PRTFDC1: variants seen among roughly 807,000 people sequenced by gnomAD.
The protein encoded by PRTFDC1 is phosphoribosyl transferase domain containing 1.
Under a neutral mutation model 34.6 loss-of-function variants are expected in PRTFDC1, and 38 were observed. That is an observed-to-expected ratio of 1.10 (90% confidence interval 0.85 to 1.44). The LOEUF is 1.44. PRTFDC1 is among the 40% of genes most tolerant of loss of function. The probability of loss-of-function intolerance (pLI) is 0.00; values close to 1 mark genes in which losing one functional copy is unlikely to be tolerated. For synonymous variants in PRTFDC1, 93 were observed against 98.1 expected, an observed-to-expected ratio of 0.95 and a Z score of 0.31; for missense variants, 270 against 283.0, an observed-to-expected ratio of 0.95 and a Z score of 0.33.
chr10:24,923,502 C>T lies in PRTFDC1; in HGVS notation c.339+13682G>A, dbSNP rs1848822815. Among the ~76,000 whole-genome samples, 3 of 152,280 alleles carry T rather than the reference C, an allele frequency of 2.0e-5. No individual in the cohort carries two copies. The South Asian group carries it at 6.2e-4, about 32-fold the overall frequency. Reference sequence around the variant, plus strand: ...GTTCTGCAGCCTCCGCTGGTGATACCCAGGTAAACGGGGTCTGGAGTGGAC... The same window carrying T: ...GTTCTGCAGCCTCCGCTGGTGATACTCAGGTAAACGGGGTCTGGAGTGGAC... On this transcript the variant is annotated intron_variant, in intron 3 of 8. Coordinates refer to ENST00000320152, the MANE Select transcript of PRTFDC1 (RefSeq NM_020200.7).
chr10:24,898,463 CA>C (rs36004025), intron 3 of PRTFDC1, among the ~76,000 whole-genome samples: 89 of 98,098 alleles, frequency 9.1e-4, no homozygotes, highest in Admixed American at 1.3e-3. Flanking sequence ...GACCCTGTCT[CA>C]AAAAAAAAAA....
intron 1 of PRTFDC1, among the ~76,000 whole-genome samples, chr10:24,946,539 G>T (rs1849253773): frequency 6.6e-6 from 1 of 152,124 alleles, no homozygotes; most frequent in South Asian, 2.1e-4. Context: ...TTAAGAGCAT[G>T]GACATGGAAA....
At chr10:24,858,556 T>C (rs1847621283) in intron 4 of PRTFDC1, 147 bp from the exon 5 acceptor site, 4 of 751,910 alleles carry the variant, frequency 5.3e-6, no homozygotes, top group Admixed American at 5.5e-5. Flanking sequence ...AGAGGTGATC[T>C]AGGTTTTCCA....
At chr10:24,918,091 G>A (rs1848724698) in intron 3 of PRTFDC1, among the ~76,000 whole-genome samples, 1 of 152,164 alleles carries the variant, frequency 6.6e-6, no homozygotes. Context: ...CAATGGAAGT[G>A]GGGTGGAGGA....
At chr10:24,865,733 C>T (rs1334199030) in intron 4 of PRTFDC1, among the ~76,000 whole-genome samples, 1 of 152,172 alleles carries the variant, frequency 6.6e-6, no homozygotes, top group Non-Finnish European at 1.5e-5. Flanking sequence ...TTTTAGAGCA[C>T]ACAGTGATTT....
In PRTFDC1 at chr10:24,852,308, A is replaced by C. The variant is rs187834306; in HGVS notation, c.554-844T>G. 9.8e-4 allele frequency among the ~76,000 whole-genome samples: 149 copies of C among 152,118 alleles called. 1 individual carries two copies. The highest frequency in any genetic ancestry group is 1.3e-3 in the Non-Finnish European group (86 of 67,996). ...GCTGGGAAGACAGACGTGTGCCACC[A>C]TGCCAGGCTAATTTTTGTAGTTTTA... On this transcript the variant is annotated intron_variant, in intron 7 of 8. Coordinates refer to ENST00000320152, the MANE Select transcript of PRTFDC1 (RefSeq NM_020200.7).
intron 3 of PRTFDC1, chr10:24,908,252 T>C: frequency 2.2e-6 from 1 of 449,032 alleles, no homozygotes; most frequent in Non-Finnish European, 3.9e-6. Flanking sequence ...GAATTGAACA[T>C]GTCATGCCCT....
intron 3 of PRTFDC1, among the ~76,000 whole-genome samples, chr10:24,880,283 T>A (rs1308498480): frequency 6.6e-6 from 1 of 151,692 alleles, no homozygotes; most frequent in Non-Finnish European, 1.5e-5. Context: ...GACAGAGTCT[T>A]GCACTATTGC....
At chr10:24,913,908 C>T (rs937552570) in intron 3 of PRTFDC1, among the ~76,000 whole-genome samples, 1 of 152,136 alleles carries the variant, frequency 6.6e-6, no homozygotes, top group Non-Finnish European at 1.5e-5. Flanking sequence ...TTTTTAAATT[C>T]AGGGACTGAT....
intron 3 of PRTFDC1, among the ~76,000 whole-genome samples, chr10:24,910,655 GC>G (rs1479293307): frequency 6.6e-6 from 1 of 152,026 alleles, no homozygotes; most frequent in African/African-American, 2.4e-5. Context: ...ACAAAATAAT[GC>G]AAGCCCACTT....
chr10:24,915,183 G>A (rs1848677810), intron 3 of PRTFDC1, among the ~76,000 whole-genome samples: 1 of 152,080 alleles, frequency 6.6e-6, no homozygotes, highest in Non-Finnish European at 1.5e-5. Context: ...CAGTAACTTG[G>A]TATCAAAAAT....
intron 3 of PRTFDC1, among the ~76,000 whole-genome samples, chr10:24,910,186 A>T (rs1404533194): frequency 6.6e-6 from 1 of 152,106 alleles, no homozygotes; most frequent in Non-Finnish European, 1.5e-5. Flanking sequence ...AATTTTTCCA[A>T]TAACCTGAAC....
intron 3 of PRTFDC1, among the ~76,000 whole-genome samples, chr10:24,883,109 A>G (rs1848107632): frequency 1.3e-5 from 2 of 148,314 alleles, no homozygotes; most frequent in Non-Finnish European, 3.0e-5. Flanking sequence ...ATATAAATGT[A>G]TTATAATTAT....
At chr10:24,895,506 C>T (rs1346666599) in intron 3 of PRTFDC1, among the ~76,000 whole-genome samples, 5 of 150,842 alleles carry the variant, frequency 3.3e-5, no homozygotes, top group African/African-American at 4.9e-5. Context: ...CTGCCTTGGC[C>T]TCCCAAAGTG....
At position 24,937,406 on chromosome 10, in the gene PRTFDC1, T is replaced by C. The variant is rs756268129; in HGVS notation, c.156-39A>G. 1.9e-5 allele frequency: 29 copies of C among 1,539,752 alleles called. No individual in the cohort carries two copies. In the Admixed American group the frequency reaches 4.2e-4, roughly 22 times the overall value. On this transcript the variant is annotated intron_variant, in intron 2 of 8. Coordinates refer to ENST00000320152, the MANE Select transcript of PRTFDC1 (RefSeq NM_020200.7). Reference sequence around the variant, plus strand: ...AAAAGATATATTAAGGCACAACTACTTCTGAGTATTTATGTTGCTTTAATG... The same window carrying C: ...AAAAGATATATTAAGGCACAACTACCTCTGAGTATTTATGTTGCTTTAATG...
intron 3 of PRTFDC1, among the ~76,000 whole-genome samples, chr10:24,889,060 C>T (rs901102903): frequency 1.3e-5 from 2 of 152,050 alleles, no homozygotes; most frequent in African/African-American, 4.8e-5. Flanking sequence ...ATGTTGAAAT[C>T]GAATCACCAT....
chr10:24,897,000 A>C (rs1022405532), intron 3 of PRTFDC1, among the ~76,000 whole-genome samples: 4 of 152,210 alleles, frequency 2.6e-5, no homozygotes, highest in Non-Finnish European at 4.4e-5. Flanking sequence ...GCTTAAGTCC[A>C]GGAGTTCAAG....
At chr10:24,927,251 G>C (rs966432167) in intron 3 of PRTFDC1, among the ~76,000 whole-genome samples, 2 of 152,168 alleles carry the variant, frequency 1.3e-5, no homozygotes, top group Non-Finnish European at 2.9e-5. Context: ...AAAAGTCAAA[G>C]AGAAAACAGG....
intron 3 of PRTFDC1, among the ~76,000 whole-genome samples, chr10:24,913,943 A>T (rs1191676288): frequency 1.3e-5 from 2 of 152,194 alleles, no homozygotes; most frequent in Non-Finnish European, 2.9e-5. Context: ...CCTCTGGGGA[A>T]ATTGCTTGAC....
Sources: gnomAD v4.1 joint callset for allele counts (sites outside exome capture counted in the v4.1 genomes callset) on GRCh38, gnomAD v4.1.1 for gene constraint, MANE v1.5 for transcripts, NCBI Gene and HGNC (gene_info 2026-07-23, HGNC 2026-07-21) for gene names.